The following ALG5 variants were observed in gnomAD, a reference collection of about 807,000 sequenced individuals.
ALG5 encodes ALG5 dolichyl-phosphate beta-glucosyltransferase, also known as dolichyl-phosphate beta-glucosyltransferase.
In ALG5, 26 loss-of-function variants were observed where a neutral mutation model predicts 51.8. The ratio of observed to expected loss-of-function variants is 0.50; its 90% CI spans 0.37 to 0.70. ALG5 has a LOEUF of 0.70. ALG5 is among the 30% of genes least tolerant of loss of function. The pLI is 0.00. For missense variants in ALG5, 311 were observed against 399.3 expected (o/e 0.78, Z 1.88); for synonymous variants, 141 against 136.1 (o/e 1.04, Z -0.25).
intron 7 of ALG5, among the ~76,000 whole-genome samples, chr13:36,967,307 A>G (rs1408961739): frequency 6.6e-6 from 1 of 152,134 alleles, no homozygotes; most frequent in African/African-American, 2.4e-5. Context: ...TCCGTTACTA[A>G]TTAGCAGGGT....
At chr13:36,976,425 CAAAAAAAAAAAAAAAAAA>C (rs57192095) in intron 6 of ALG5, among the ~76,000 whole-genome samples, 2 of 36,614 alleles carry the variant, frequency 5.5e-5, no homozygotes, top group African/African-American at 1.4e-4. Context: ...GACTCTGTCT[CAAAAAAAAAAAAAAAAAA>C]AAAAAAAGAA....
intron 8 of ALG5, among the ~76,000 whole-genome samples, chr13:36,961,716 A>G (rs1204343297): frequency 6.6e-6 from 1 of 152,158 alleles, no homozygotes; most frequent in African/African-American, 2.4e-5. Context: ...TTTAATTTAT[A>G]TTAATATTTG....
At chr13:36,962,685 T>C (rs898026780) in intron 8 of ALG5, among the ~76,000 whole-genome samples, 2 of 152,040 alleles carry the variant, frequency 1.3e-5, no homozygotes, top group Admixed American at 6.6e-5. Flanking sequence ...AAGGCTTGCA[T>C]GTAACATTAA....
At chr13:36,954,358 T>C (rs1593656268) in intron 8 of ALG5, among the ~76,000 whole-genome samples, 1 of 152,144 alleles carries the variant, frequency 6.6e-6, no homozygotes, top group Non-Finnish European at 1.5e-5. Context: ...CCATGCCTGG[T>C]TAATTTTTGT....
Position 36,985,595 on chromosome 13 carries a change from G to A in ALG5, c.561+32C>T, listed in dbSNP as rs140211748. 390 of 1,535,762 alleles carry A rather than the reference G, an allele frequency of 2.5e-4. 1 individual carries two copies. In the African/African-American group the frequency reaches 4.7e-3, roughly 19 times the overall value. On this transcript the variant is annotated intron_variant, in intron 6 of 9. Coordinates refer to ENST00000239891, the MANE Select transcript of ALG5 (RefSeq NM_013338.5). ...CTTTAGCTCTCCTGCATTCTTGACT[G>A]AATGTTATTTAAACTACATTCTTAT...
intron 8 of ALG5, among the ~76,000 whole-genome samples, chr13:36,955,626 G>T (rs1299912213): frequency 7.2e-6 from 1 of 138,790 alleles, no homozygotes; most frequent in Non-Finnish European, 1.5e-5. Context: ...AAAATTACAG[G>T]ACTAGTAAGG....
intron 6 of ALG5, among the ~76,000 whole-genome samples, chr13:36,976,397 T>C (rs1341402681): frequency 7.9e-6 from 1 of 125,928 alleles, no homozygotes; most frequent in African/African-American, 3.1e-5. Flanking sequence ...TTGCACTCCA[T>C]CTTCAGTGAC....
At position 36,964,850 on chromosome 13, in the gene ALG5, G is replaced by A. The variant is rs150756678; in HGVS notation, c.773+725C>T. 1.4e-3 allele frequency among the ~76,000 whole-genome samples: 217 copies of A among 151,944 alleles called. 3 individuals are homozygous for A. In the East Asian group the frequency reaches 0.037, roughly 26 times the overall value. On this transcript the variant is annotated intron_variant, in intron 8 of 9. Transcript: ENST00000239891. ...TGAGGCAGGAGAATCACTTGAACGC[G>A]GGAGGCGGAGGTTGCAGTGAGCTGA...
chr13:36,974,131 C>T (rs2058938869), intron 6 of ALG5, among the ~76,000 whole-genome samples: 1 of 152,150 alleles, frequency 6.6e-6, no homozygotes, highest in Non-Finnish European at 1.5e-5. Context: ...AAATATAGTG[C>T]AATCTCCAAG....
At chr13:36,999,210 C>A (rs2138837581) in intron 1 of ALG5, 25 bp downstream of exon 1, 3 of 1,551,866 alleles carry the variant, frequency 1.9e-6, no homozygotes, top group South Asian at 1.2e-5. Flanking sequence ...CCCCGGCCTG[C>A]GCGGGTTCCC....
chr13:36,978,890 TG>T (rs111475134), intron 6 of ALG5, among the ~76,000 whole-genome samples: 6,660 of 139,760 alleles, frequency 0.048, 504 homozygotes, highest in African/African-American at 0.17. Context: ...CACTCCAGCC[TG>T]GGTGACAGAG....
intron 1 of ALG5, among the ~76,000 whole-genome samples, chr13:36,997,200 C>T (rs1241662251): frequency 4.6e-5 from 7 of 152,040 alleles, no homozygotes; most frequent in African/African-American, 1.7e-4. Flanking sequence ...AGGCCGGGCG[C>T]GGTGGCTCAT....
At chr13:36,956,014 C>T (rs907742385) in intron 8 of ALG5, among the ~76,000 whole-genome samples, 6 of 152,060 alleles carry the variant, frequency 3.9e-5, no homozygotes, top group African/African-American at 1.4e-4. Flanking sequence ...GGGATTACAT[C>T]AAACTAAAAA....
At chr13:36,980,427 A>G (rs765528234) in intron 6 of ALG5, among the ~76,000 whole-genome samples, 1 of 151,918 alleles carries the variant, frequency 6.6e-6, no homozygotes, top group African/African-American at 2.4e-5. Flanking sequence ...GGATTTCGCT[A>G]TGTTGGCCAG....
chr13:36,972,774 C>T (rs963635678), intron 6 of ALG5, among the ~76,000 whole-genome samples: 2 of 152,156 alleles, frequency 1.3e-5, no homozygotes, highest in African/African-American at 2.4e-5. Flanking sequence ...GGGCAGATCA[C>T]GAGGTCAGGA....
chr13:36,950,264 A>G (rs1182025236), intron 9 of ALG5, among the ~76,000 whole-genome samples: 3 of 152,208 alleles, frequency 2.0e-5, no homozygotes, highest in African/African-American at 7.2e-5. Context: ...AAGTGAAATG[A>G]AACTTGAGAG....
chr13:36,953,446 T>C (rs2058826672), intron 8 of ALG5, among the ~76,000 whole-genome samples: 1 of 152,184 alleles, frequency 6.6e-6, no homozygotes. Flanking sequence ...ACTAGTTGCT[T>C]CTCTCACTGG....
intron 5 of ALG5, among the ~76,000 whole-genome samples, chr13:36,988,023 A>G (rs2059009507): frequency 6.6e-6 from 1 of 152,000 alleles, no homozygotes; most frequent in South Asian, 2.1e-4. Context: ...GTTCTTTCAC[A>G]TTGCTGTGCC....
chr13:36,978,137 C>T (rs1368751985), intron 6 of ALG5, among the ~76,000 whole-genome samples: 2 of 149,388 alleles, frequency 1.3e-5, no homozygotes, highest in African/African-American at 2.5e-5. Flanking sequence ...CCACCCGCCT[C>T]GGCCTCCCAA....
Sources: allele counts gnomAD v4.1 joint callset (sites outside exome capture counted in the v4.1 genomes callset), GRCh38; gene constraint gnomAD v4.1.1; transcripts MANE v1.5; gene names NCBI Gene and HGNC (gene_info 2026-07-23, HGNC 2026-07-21).